Variants in SLC17A5 observed in about 807,000 individuals in gnomAD.
The protein encoded by SLC17A5 is solute carrier family 17 member 5, also known as sialin.
A neutral mutation model predicts 59.4 loss-of-function variants in SLC17A5; 47 were observed. The observed-to-expected ratio is 0.79, with a 90% CI of 0.63 to 1.01. SLC17A5 has a LOEUF of 1.01. Among genes scored for constraint, SLC17A5 ranks in the 50% least tolerant of loss-of-function variants. The pLI, the probability that SLC17A5 is intolerant of heterozygous loss-of-function variation, is 0.00. For synonymous variants in SLC17A5, 202 were observed against 210.7 expected (o/e 0.96, Z 0.36); for missense variants, 522 against 595.5 (o/e 0.88, Z 1.28).
At chr6:73,638,778 T>G (rs1769143105) in intron 3 of SLC17A5, among the ~76,000 whole-genome samples, 1 of 151,732 alleles carries the variant, frequency 6.6e-6, no homozygotes, top group African/African-American at 2.4e-5. Context: ...GAGATCAGCC[T>G]GGGTAACGTA....
chr6:73,596,510 G>A (rs771258161), intron 10 of SLC17A5, among the ~76,000 whole-genome samples: 5 of 152,094 alleles, frequency 3.3e-5, no homozygotes, highest in Non-Finnish European at 5.9e-5. Context: ...CCATTTTTTG[G>A]ATTTTTTCAA....
At chr6:73,633,176 AT>A (rs57624307) in intron 6 of SLC17A5, among the ~76,000 whole-genome samples, 61,159 of 124,624 alleles carry the variant, frequency 0.49, 13,322 homozygotes, top group Non-Finnish European at 0.54. Flanking sequence ...ACTTGTATTA[AT>A]TTTTTTTTTT....
chr6:73,611,594 T>C (rs921541878), intron 8 of SLC17A5, among the ~76,000 whole-genome samples: 5 of 150,758 alleles, frequency 3.3e-5, no homozygotes, highest in African/African-American at 4.9e-5. Context: ...TTTTTTTTTT[T>C]CTGCCCCACC....
At chr6:73,627,821 G>T (rs186507841) in intron 6 of SLC17A5, among the ~76,000 whole-genome samples, 1 of 151,186 alleles carries the variant, frequency 6.6e-6, no homozygotes, top group African/African-American at 2.4e-5. Flanking sequence ...TAGAGACAGG[G>T]TTTCACCACG....
At chr6:73,599,878 C>T (rs1242336637) in intron 10 of SLC17A5, among the ~76,000 whole-genome samples, 1 of 151,850 alleles carries the variant, frequency 6.6e-6, no homozygotes, top group African/African-American at 2.4e-5. Flanking sequence ...CTTACTGCAA[C>T]CTCCGCCTCC....
chr6:73,608,891 A>G (rs653781), intron 9 of SLC17A5, among the ~76,000 whole-genome samples: 16,349 of 152,184 alleles, frequency 0.11, 1,058 homozygotes, highest in Middle Eastern at 0.18. Flanking sequence ...ATGGTGATGT[A>G]TGCCTGCAGT....
chr6:73,601,850 T>C (rs1356975539), intron 9 of SLC17A5, among the ~76,000 whole-genome samples: 1 of 147,692 alleles, frequency 6.8e-6, no homozygotes, highest in Non-Finnish European at 1.5e-5. Context: ...AGCCGCCCCG[T>C]CCGGGAGGTG....
chr6:73,640,287 G>A (rs1242066968), intron 3 of SLC17A5, among the ~76,000 whole-genome samples: 1 of 152,144 alleles, frequency 6.6e-6, no homozygotes, highest in South Asian at 2.1e-4. Flanking sequence ...TTTGTGATCA[G>A]GAAGGGTTTA....
intron 7 of SLC17A5, among the ~76,000 whole-genome samples, chr6:73,616,890 A>C (rs1018695287): frequency 6.6e-6 from 1 of 151,684 alleles, no homozygotes; most frequent in Admixed American, 6.6e-5. Context: ...TACAGGGATG[A>C]GCCACCGCGC....
intron 10 of SLC17A5, among the ~76,000 whole-genome samples, chr6:73,595,950 GTATA>G: frequency 3.0e-4 from 1 of 3,344 alleles, no homozygotes; most frequent in African/African-American, 1.4e-3. Context: ...ATATATATAC[GTATA>G]TATATACATA....
At chr6:73,651,959 G>T (rs1769891637) in intron 1 of SLC17A5, among the ~76,000 whole-genome samples, 1 of 151,302 alleles carries the variant, frequency 6.6e-6, no homozygotes, top group Non-Finnish European at 1.5e-5. Context: ...TACACAGTAT[G>T]TATGAGCATA....
rs36013540 is a variant in SLC17A5 at position 73,599,804 on chromosome 6, C to CT, written c.1350+546dup. 9.5e-4 allele frequency among the ~76,000 whole-genome samples: 140 copies of CT among 146,788 alleles called. No homozygotes were observed. The South Asian group carries it at 0.013, about 14-fold the overall frequency. On this transcript the variant is annotated intron_variant, in intron 10 of 10. Coordinates refer to ENST00000355773, the MANE Select transcript of SLC17A5 (RefSeq NM_012434.5). ...AAGTCTGTAAGTATGTCCTGAAATT[C>CT]TTTTTTTTTTTTTGAGACGGAGTCT...
In SLC17A5 at chr6:73,619,785, T is replaced by G. The variant is rs1768052596; in HGVS notation, c.978+2019A>C. ...TTTTAAAGTACACAACATTAATTAC[T>G]GGCCAGCTATTGATATTTTATTTCT... is the stretch of plus-strand genomic sequence containing the variant. On this transcript the variant is annotated intron_variant, in intron 7 of 10. Coordinates refer to ENST00000355773, the MANE Select transcript of SLC17A5 (RefSeq NM_012434.5). Among the ~76,000 whole-genome samples, 2 of 152,154 alleles carry G rather than the reference T, an allele frequency of 1.3e-5. 1 individual carries two copies.
chr6:73,634,779 C>G (rs772378132), intron 6 of SLC17A5, among the ~76,000 whole-genome samples: 1 of 152,118 alleles, frequency 6.6e-6, no homozygotes, highest in Non-Finnish European at 1.5e-5. Context: ...CATGTGGGTT[C>G]TCAAAAACTT....
rs999090770 is a variant in SLC17A5 at position 73,605,124 on chromosome 6, C to A, written c.1260-4683G>T. On this transcript the variant is annotated intron_variant, in intron 9 of 10. Coordinates refer to ENST00000355773, the MANE Select transcript of SLC17A5 (RefSeq NM_012434.5). ...CCTTCCGAAGTCCTGGGATTACAGG[C>A]GAGAGCCACTGCACCCAGCTGGATT... Among the ~76,000 whole-genome samples, 2 of 152,190 alleles carry A rather than the reference C, an allele frequency of 1.3e-5. 1 individual carries two copies. Among genetic ancestry groups the A allele is most frequent in the South Asian group, 4.1e-4 (2 of 4,824 alleles).
At chr6:73,638,884 A>T (rs1387023479) in intron 3 of SLC17A5, among the ~76,000 whole-genome samples, 2 of 152,210 alleles carry the variant, frequency 1.3e-5, no homozygotes, top group Non-Finnish European at 2.9e-5. Context: ...GGTTACAATA[A>T]ATCTAAAATA....
intron 10 of SLC17A5, 50 bp downstream of exon 10, chr6:73,600,301 G>A (rs752918894): frequency 1.6e-6 from 2 of 1,288,968 alleles, no homozygotes; most frequent in South Asian, 1.2e-5. Flanking sequence ...CTTTGACACA[G>A]ATGTGCAGCT....
intron 1 of SLC17A5, among the ~76,000 whole-genome samples, chr6:73,650,507 C>T (rs1195112239): frequency 2.8e-5 from 1 of 35,548 alleles, no homozygotes; most frequent in Non-Finnish European, 6.3e-5. Flanking sequence ...GACTCCGTCT[C>T]AAAAAAAAAA....
At chr6:73,596,790 A>G (rs1428527455) in intron 10 of SLC17A5, among the ~76,000 whole-genome samples, 2 of 151,156 alleles carry the variant, frequency 1.3e-5, no homozygotes, top group East Asian at 3.9e-4. Context: ...TGGGAGGTGG[A>G]GCTTGCAGTG....
Sources: gnomAD v4.1 joint callset for allele counts (sites outside exome capture counted in the v4.1 genomes callset) on GRCh38, gnomAD v4.1.1 for gene constraint, MANE v1.5 for transcripts, NCBI Gene and HGNC (gene_info 2026-07-23, HGNC 2026-07-21) for gene names.